Variants in MCOLN2 observed in about 807,000 individuals in gnomAD.
MCOLN2 encodes mucolipin TRP cation channel 2, also known as mucolipin-2.
In MCOLN2, 57 loss-of-function variants were observed where a neutral mutation model predicts 67.5. That is an observed-to-expected ratio of 0.84 (90% CI 0.68 to 1.05). The LOEUF (loss-of-function observed/expected upper bound fraction) is 1.05. Ranked by LOEUF, MCOLN2 falls within the 50% of genes least tolerant of loss-of-function variation. The probability of loss-of-function intolerance (pLI) is 0.00; values close to 1 mark genes in which losing one functional copy is unlikely to be tolerated. For missense variants in MCOLN2, 620 were observed against 678.8 expected (o/e 0.91, Z 0.96); for synonymous variants, 246 against 233.3 (o/e 1.05, Z -0.50).
chr1:84,957,091 C>T lies in MCOLN2; in HGVS notation c.412-507G>A, dbSNP rs78062317. ...CAAAACATCACATTGTACCCCATAA[C>T]TATATACTGTGTGCAATTATGCCCT... On this transcript the variant is annotated intron_variant, in intron 3 of 13. Transcript: ENST00000370608. Among the ~76,000 whole-genome samples, 599 of 152,180 alleles carry T rather than the reference C, an allele frequency of 3.9e-3. 3 individuals carry two copies. Among genetic ancestry groups the T allele is most frequent in the African/African-American group, 0.013 (560 of 41,528 alleles).
rs769241037 is a variant in MCOLN2 at position 84,956,431 on chromosome 1, C to G, written c.565G>C (p.Asp189His). 1.2e-6 allele frequency: 2 copies of G among 1,610,302 alleles called. No individual in the cohort carries two copies. The highest frequency in any genetic ancestry group is 2.2e-5 in the South Asian group (2 of 89,974). The change falls in exon 4 of 14, where the codon GAT becomes CAT. Residue 189 changes from aspartate to histidine, a missense_variant and splice_region_variant. Asp to His is a moderately conservative substitution (Grantham distance 81). Coordinates refer to ENST00000370608, the MANE Select transcript of MCOLN2 (RefSeq NM_153259.4). ...TLNIDNDVELDCVQLDLQDLS... is the reference protein window; with the variant it reads ...TLNIDNDVELHCVQLDLQDLS... ...CATCATGAAATTATCACTGCATTAC[C>G]GAGCTCAACGTCGTTGTCAATATTC... is the stretch of plus-strand genomic sequence containing the variant.
intron 1 of MCOLN2, among the ~76,000 whole-genome samples, chr1:84,977,446 G>C (rs1650048490): frequency 7.5e-6 from 1 of 133,922 alleles, no homozygotes; most frequent in Admixed American, 7.3e-5. Context: ...GACATAGACT[G>C]GCTAAATGGA....
chr1:84,947,390 G>C (rs1337180481), intron 6 of MCOLN2, among the ~76,000 whole-genome samples: 1 of 152,094 alleles, frequency 6.6e-6, no homozygotes, highest in Non-Finnish European at 1.5e-5. Flanking sequence ...AAGTACACTG[G>C]AGAGCACCAG....
At chr1:84,953,879 C>A (rs981712255) in intron 4 of MCOLN2, among the ~76,000 whole-genome samples, 1 of 152,182 alleles carries the variant, frequency 6.6e-6, no homozygotes, top group African/African-American at 2.4e-5. Context: ...ATGAAACCAG[C>A]ATGGGTGACC....
In MCOLN2 at chr1:84,993,678, C is replaced by A. The variant is rs958346090; in HGVS notation, c.77+3118G>T. ...TCGCTCTGTCGCCCAGGCCGGACTGCGGACTGCAGTGGCGCAATCTCGGCT... is the reference window on the plus strand; with the variant it reads ...TCGCTCTGTCGCCCAGGCCGGACTGAGGACTGCAGTGGCGCAATCTCGGCT... On this transcript the variant is annotated intron_variant, in intron 1 of 13. Coordinates refer to ENST00000370608, the MANE Select transcript of MCOLN2 (RefSeq NM_153259.4). Among the ~76,000 whole-genome samples the A allele has an allele frequency of 4.9e-5, 7 of 143,752 alleles. No individual in the cohort carries two copies. In the East Asian group the frequency reaches 6.2e-4, roughly 13 times the overall value. 94.3% of individuals were successfully genotyped at this position (143,752 alleles called of 152,430 possible).
chr1:84,984,618 G>C (rs1173801273), intron 1 of MCOLN2, among the ~76,000 whole-genome samples: 2 of 152,214 alleles, frequency 1.3e-5, no homozygotes, highest in Admixed American at 6.5e-5. Context: ...TCCTGTGACA[G>C]ACACTACTAG....
intron 1 of MCOLN2, among the ~76,000 whole-genome samples, chr1:84,967,736 AGAGG>A (rs746755161): frequency 4.8e-4 from 59 of 124,184 alleles, no homozygotes; most frequent in South Asian, 9.2e-4. Flanking sequence ...AGGGAAGGAG[AGAGG>A]GAGGGAGGGA....
chr1:84,940,606 T>C (rs972022414), intron 8 of MCOLN2, among the ~76,000 whole-genome samples: 3 of 152,198 alleles, frequency 2.0e-5, no homozygotes, highest in Admixed American at 6.5e-5. Context: ...CTGGAAACAT[T>C]CAAAAGCCTG....
intron 1 of MCOLN2, among the ~76,000 whole-genome samples, chr1:84,974,994 A>G (rs768859167): frequency 2.4e-4 from 36 of 152,092 alleles, no homozygotes; most frequent in Non-Finnish European, 3.7e-4. Context: ...TGCATCTTGT[A>G]ATTTGAGTGC....
chr1:84,929,916 C>A (rs1661325154), intron 12 of MCOLN2: 2 of 301,392 alleles, frequency 6.6e-6, no homozygotes. Flanking sequence ...AGAGAAGAGC[C>A]AGGGAGAGGT....
intron 1 of MCOLN2, among the ~76,000 whole-genome samples, chr1:84,990,832 G>C (rs376085760): frequency 2.0e-5 from 3 of 151,330 alleles, no homozygotes; most frequent in Admixed American, 1.3e-4. Flanking sequence ...TACTTGGGGG[G>C]GCTGAGGCAG....
chr1:84,932,573 C>T (rs1008601717), intron 11 of MCOLN2, among the ~76,000 whole-genome samples: 7 of 151,512 alleles, frequency 4.6e-5, no homozygotes, highest in Admixed American at 1.3e-4. Flanking sequence ...CTTTTCACCA[C>T]CCTAACCAGA....
At chr1:84,970,436 G>A (rs553436531) in intron 1 of MCOLN2, among the ~76,000 whole-genome samples, 3 of 151,752 alleles carry the variant, frequency 2.0e-5, no homozygotes, top group African/African-American at 7.3e-5. Context: ...TTGGGAGGGT[G>A]AGGTGGGTGG....
At chr1:84,959,322 T>C (rs1648956128) in intron 2 of MCOLN2, among the ~76,000 whole-genome samples, 2 of 152,184 alleles carry the variant, frequency 1.3e-5, no homozygotes. Flanking sequence ...GCTTTACTTG[T>C]ATGATGTCAA....
Position 84,939,692 on chromosome 1 carries a change from T to C in MCOLN2, c.971A>G (p.Asn324Ser). The change falls in exon 9 of 14, where the codon AAT becomes AGT. Residue 324 changes from asparagine (N) to serine (S), a missense_variant. Coordinates refer to ENST00000370608, the MANE Select transcript of MCOLN2 (RefSeq NM_153259.4). ...CCGCTTGTACTTCTCCAGGAAGAAA[T>C]TTAGAAATCTCTATGGCAAACATTT... ...LALRLRKRFLNFFLEKYKRPV... is the reference protein window; with the variant it reads ...LALRLRKRFLSFFLEKYKRPV... 1 of 1,613,866 alleles carries C rather than the reference T, an allele frequency of 6.2e-7. No individual in the cohort carries two copies. The highest frequency in any genetic ancestry group is 8.5e-7 in the Non-Finnish European group (1 of 1,179,934).
At chr1:84,975,241 T>G (rs951902695) in intron 1 of MCOLN2, among the ~76,000 whole-genome samples, 1 of 152,138 alleles carries the variant, frequency 6.6e-6, no homozygotes, top group African/African-American at 2.4e-5. Context: ...CAACACCCAG[T>G]GCTGTGCTGA....
rs920340 is a variant in MCOLN2, at chr1:84,997,067, T to C, written c.-195A>G. The C allele has an allele frequency of 0.96, 575,419 of 596,764 alleles. 278,427 individuals carry two copies. Among genetic ancestry groups the C allele is most frequent in the East Asian group, 1 (35,158 of 35,262 alleles). 37.0% of individuals were successfully genotyped at this position (596,764 alleles called of 1,614,324 possible). A position where few individuals can be genotyped will look rare whatever the true frequency, so the allele number is the denominator to read the frequency against. On this transcript the variant is annotated 5_prime_UTR_variant, in exon 1 of 14. Transcript: ENST00000370608. ...GGCCCGAGAGCAGGCGCCGCAGTCG[T>C]GGAGTGCGGCGGGCAGTTCTCGGGC...
In MCOLN2 at chr1:84,940,886, A is replaced by G. The variant is rs2102816173; in HGVS notation, c.953T>C (p.Leu318Ser). ...ATGCGAACACACTCTTACCTTCCGT[A>G]ACCTTAGAGCAAGAACAATGGATCT... The part of the protein sequence containing the change: ...CTRSIVLALR[L>S]RKRFLNFFLE... Residue 318 changes from leucine to serine, a missense_variant, in exon 8 of 14, where the codon TTA becomes TCA. By Grantham distance (145) the Leu-to-Ser change is moderately radical. Coordinates refer to ENST00000370608, the MANE Select transcript of MCOLN2 (RefSeq NM_153259.4). 1 of 1,610,452 alleles carries G rather than the reference A, an allele frequency of 6.2e-7. No individual in the cohort carries two copies. The highest frequency in any genetic ancestry group is 8.5e-7 in the Non-Finnish European group (1 of 1,177,638).
At chr1:84,965,421 G>T in intron 2 of MCOLN2, 128 bp downstream of exon 2, 1 of 940,082 alleles carries the variant, frequency 1.1e-6, no homozygotes, top group Non-Finnish European at 1.6e-6. Flanking sequence ...GCTCTCCAGA[G>T]TCAATATAAT....
Sources: gnomAD v4.1 joint callset for allele counts (sites outside exome capture counted in the v4.1 genomes callset) on GRCh38, gnomAD v4.1.1 for gene constraint, MANE v1.5 for transcripts, NCBI Gene and HGNC (gene_info 2026-07-23, HGNC 2026-07-21) for gene names.